Variants in MYMX observed in about 807,000 individuals in gnomAD.
MYMX encodes the protein myomixer, myoblast fusion factor, also known as protein myomixer.
upstream of MYMX, among the ~76,000 whole-genome samples, chr6:44,214,631 G>A (rs540540100): frequency 4.9e-4 from 75 of 152,316 alleles, no homozygotes; most frequent in African/African-American, 7.0e-4. Context: ...AGAGTGCAGT[G>A]GCATGATCTC....
At chr6:44,203,496 GAA>G in the MYMX span, among the ~76,000 whole-genome samples, 1 of 152,152 alleles carries the variant, frequency 6.6e-6, no homozygotes, top group Non-Finnish European at 1.5e-5. Context: ...CAGCAGGAGG[GAA>G]AAGAGGAACA....
chr6:44,212,221 C>G (rs967595037), upstream of MYMX, among the ~76,000 whole-genome samples: 8 of 151,870 alleles, frequency 5.3e-5, no homozygotes, highest in African/African-American at 1.9e-4. Context: ...GCCTGGGCAA[C>G]ATGGCCAAAC....
chr6:44,214,646 C>T (rs1775762945), upstream of MYMX, among the ~76,000 whole-genome samples: 1 of 152,192 alleles, frequency 6.6e-6, no homozygotes, highest in South Asian at 2.1e-4. Flanking sequence ...GATCTCGGCT[C>T]ACGGCCACCT....
At chr6:44,204,131 G>A in the MYMX span, among the ~76,000 whole-genome samples, 3 of 152,318 alleles carry the variant, frequency 2.0e-5, no homozygotes, top group South Asian at 2.1e-4. Flanking sequence ...TTACAGGAGT[G>A]AGTCACTGCG....
chr6:44,207,858 G>A, the MYMX span, among the ~76,000 whole-genome samples: 1 of 152,072 alleles, frequency 6.6e-6, no homozygotes, highest in Non-Finnish European at 1.5e-5. Flanking sequence ...AGCCTGGAAC[G>A]TTTCCTCTGG....
At chr6:44,197,185 G>A in the MYMX span, among the ~76,000 whole-genome samples, 1 of 152,162 alleles carries the variant, frequency 6.6e-6, no homozygotes, top group African/African-American at 2.4e-5. Context: ...GCAGTGAGCC[G>A]AGATCGAGTC....
At chr6:44,193,822 T>C in the MYMX span, among the ~76,000 whole-genome samples, 32 of 152,158 alleles carry the variant, frequency 2.1e-4, no homozygotes. Flanking sequence ...CTGTCTCTAC[T>C]AAAAATACAA....
the MYMX span, among the ~76,000 whole-genome samples, chr6:44,196,917 C>T: frequency 2.6e-5 from 4 of 151,916 alleles, no homozygotes; most frequent in African/African-American, 7.3e-5. Flanking sequence ...GAGATGGCGC[C>T]ATTGCATTCC....
At chr6:44,211,375 A>G in the MYMX span, among the ~76,000 whole-genome samples, 3 of 152,144 alleles carry the variant, frequency 2.0e-5, no homozygotes, top group African/African-American at 7.2e-5. Flanking sequence ...AAGGTATAAG[A>G]ATTTTTGGGG....
chr6:44,201,438 ACTC>A, the MYMX span, among the ~76,000 whole-genome samples: 1 of 152,092 alleles, frequency 6.6e-6, no homozygotes, highest in Non-Finnish European at 1.5e-5. Flanking sequence ...CCTTGTCAGA[ACTC>A]CTTGTTTAGG....
chr6:44,217,361 A>C (rs1173794674), intron 1 of MYMX, 89 bp from the exon 2 acceptor site: 2 of 397,800 alleles, frequency 5.0e-6, no homozygotes, highest in East Asian at 3.6e-5. Flanking sequence ...TGTAAACTGA[A>C]GGGAGGGGGA....
the MYMX span, among the ~76,000 whole-genome samples, chr6:44,205,979 C>CAAAAAAAA: frequency 4.3e-5 from 2 of 46,728 alleles, no homozygotes; most frequent in African/African-American, 2.0e-4. Context: ...GACCCTTTCT[C>CAAAAAAAA]AAAAAAAAAA....
the MYMX span, among the ~76,000 whole-genome samples, chr6:44,203,716 G>C: frequency 6.6e-6 from 1 of 151,852 alleles, no homozygotes; most frequent in Non-Finnish European, 1.5e-5. Flanking sequence ...GTGAGTTTGG[G>C]GTCTCTTTTC....
At chr6:44,211,589 A>T in the MYMX span, among the ~76,000 whole-genome samples, 1 of 151,696 alleles carries the variant, frequency 6.6e-6, no homozygotes, top group African/African-American at 2.4e-5. Flanking sequence ...ATATTTTGAG[A>T]TAACTAAAAT....
the MYMX span, among the ~76,000 whole-genome samples, chr6:44,196,657 G>A: frequency 7.3e-5 from 11 of 150,486 alleles, no homozygotes; most frequent in African/African-American, 9.8e-5. Flanking sequence ...AGTAAGGCTC[G>A]GTCTCCAAAC....
the MYMX span, among the ~76,000 whole-genome samples, chr6:44,194,945 G>A: frequency 4.0e-5 from 6 of 151,858 alleles, no homozygotes; most frequent in African/African-American, 1.2e-4. Flanking sequence ...GAATACTGCC[G>A]TATATTCGCC....
the MYMX span, among the ~76,000 whole-genome samples, chr6:44,193,848 G>A: frequency 4.6e-5 from 7 of 152,314 alleles, no homozygotes; most frequent in East Asian, 1.3e-3. Flanking sequence ...GCCGGGCGTG[G>A]TGGCACACAC....
At chr6:44,212,960 C>G (rs115369787), upstream of MYMX, among the ~76,000 whole-genome samples, 1,241 of 151,630 alleles carry the variant, frequency 8.2e-3, 10 homozygotes, top group African/African-American at 0.028. Context: ...CCCAGAAGGT[C>G]GAGGCTGCAG....
chr6:44,207,993 C>T, the MYMX span, among the ~76,000 whole-genome samples: 4 of 152,112 alleles, frequency 2.6e-5, no homozygotes, highest in South Asian at 2.1e-4. Flanking sequence ...TTTGGGAGGG[C>T]GAGACAGGTG....
Sources: allele counts gnomAD v4.1 joint callset (sites outside exome capture counted in the v4.1 genomes callset), GRCh38; gene constraint gnomAD v4.1.1; transcripts MANE v1.5; gene names NCBI Gene and HGNC (gene_info 2026-07-23, HGNC 2026-07-21).